Variants in SLC25A26 observed in about 807,000 individuals in gnomAD.
The protein encoded by SLC25A26 is mitochondrial S-adenosylmethionine carrier protein.
SLC25A26 carries 36 observed loss-of-function variants against 37.8 expected under a neutral mutation model. The ratio of observed to expected loss-of-function variants is 0.95; its 90% confidence interval spans 0.73 to 1.26. SLC25A26 has a LOEUF of 1.26. Ranked by LOEUF, SLC25A26 falls within the 50% of genes most tolerant of loss-of-function variation. The pLI is 0.00. For missense variants in SLC25A26, 390 were observed against 331.1 expected, an observed-to-expected ratio of 1.18 and a Z score of -1.38; for synonymous variants, 129 against 122.5, an observed-to-expected ratio of 1.05 and a Z score of -0.35.
At chr3:66,180,953 C>G (rs535242809) in intron 1 of SLC25A26, among the ~76,000 whole-genome samples, 18 of 151,994 alleles carry the variant, frequency 1.2e-4, no homozygotes, top group Non-Finnish European at 2.5e-4. Context: ...AAAGAGACAC[C>G]AGGAGTGTAC....
chr3:66,201,890 A>T (rs2071115471), intron 1 of SLC25A26, among the ~76,000 whole-genome samples: 1 of 152,212 alleles, frequency 6.6e-6, no homozygotes, highest in Admixed American at 6.5e-5. Context: ...AGAAAGACAG[A>T]TGCAATATAG....
At chr3:66,190,277 T>C (rs2106787186) in intron 1 of SLC25A26, among the ~76,000 whole-genome samples, 1 of 149,068 alleles carries the variant, frequency 6.7e-6, no homozygotes, top group Non-Finnish European at 1.5e-5. Flanking sequence ...ATTGCACCAC[T>C]GCACTCCAGC....
At position 66,263,346 on chromosome 3, in the gene SLC25A26, G is replaced by C. The variant is rs749647301; in HGVS notation, c.420G>C (p.Leu140Phe). Reference sequence around the variant, plus strand: ...GTTTGTTTCAGGGTATCCAAGGGTTGTATCGAGGCTATAAAAGCACAGTTT... The same window carrying C: ...GTTTGTTTCAGGGTATCCAAGGGTTCTATCGAGGCTATAAAAGCACAGTTT... ...NILYEEGIQG[L>F]YRGYKSTVLR... Residue 140 changes from leucine to phenylalanine, a missense_variant, in exon 5 of 10, where the codon TTG becomes TTC. Transcript: ENST00000354883. 1.9e-6 allele frequency: 3 copies of C among 1,612,338 alleles called. No individual in the cohort carries two copies. In the Admixed American group the frequency reaches 5.0e-5, roughly 27 times the overall value.
chr3:66,260,174 C>T (rs2073468533), intron 3 of SLC25A26, among the ~76,000 whole-genome samples: 1 of 152,098 alleles, frequency 6.6e-6, no homozygotes, highest in Admixed American at 6.5e-5. Context: ...CCACATTTCC[C>T]ATAATCTTTG....
chr3:66,278,700 C>T (rs1216454444), intron 5 of SLC25A26, among the ~76,000 whole-genome samples: 2 of 152,214 alleles, frequency 1.3e-5, no homozygotes, highest in East Asian at 3.9e-4. Context: ...TATTTCTTAT[C>T]CTACGAACTT....
chr3:66,204,961 G>C (rs1228609045), intron 1 of SLC25A26, among the ~76,000 whole-genome samples: 1 of 152,200 alleles, frequency 6.6e-6, no homozygotes, highest in African/African-American at 2.4e-5. Flanking sequence ...ATGGGGCTCT[G>C]AGATGGAAAC....
chr3:66,148,195 T>C (rs952145759), intron 1 of SLC25A26, among the ~76,000 whole-genome samples: 2 of 152,266 alleles, frequency 1.3e-5, no homozygotes, highest in African/African-American at 4.8e-5. Flanking sequence ...TATCTTCTTT[T>C]GAGAAATGTC....
chr3:66,362,902 C>T lies in SLC25A26; in HGVS notation c.541C>T (p.Gln181Ter). ...WRQDHVVDSW[Q>*]SAVCGAFAGG... ...GCAGGATCATGTGGTGGATTCTTGG[C>T]AGTCAGCAGTCTGTGGAGCTTTTGC... Residue 181 changes from glutamine (Q) to a stop codon, truncating the protein, a stop_gained, in exon 7 of 10, where the codon CAG becomes TAG. Transcript: ENST00000354883. LOFTEE classifies it high-confidence loss of function. 1 of 1,608,200 alleles carries T rather than the reference C, an allele frequency of 6.2e-7. No individual in the cohort carries two copies. Among genetic ancestry groups the T allele is most frequent in the Non-Finnish European group, 8.5e-7 (1 of 1,177,196 alleles).
At chr3:66,205,471 T>C (rs980166373) in intron 1 of SLC25A26, among the ~76,000 whole-genome samples, 1 of 152,150 alleles carries the variant, frequency 6.6e-6, no homozygotes. Context: ...ATTTGAGATA[T>C]GGAGGGAGAT....
chr3:66,201,832 T>C (rs2071114830), intron 1 of SLC25A26, among the ~76,000 whole-genome samples: 1 of 152,130 alleles, frequency 6.6e-6, no homozygotes, highest in South Asian at 2.1e-4. Context: ...GCACCATAGC[T>C]CTGAATGGGC....
At chr3:66,336,200 G>A (rs904403457) in intron 5 of SLC25A26, among the ~76,000 whole-genome samples, 6 of 152,028 alleles carry the variant, frequency 3.9e-5, no homozygotes. Context: ...TCAGAAATAG[G>A]GAAAGCCTGG....
intron 1 of SLC25A26, among the ~76,000 whole-genome samples, chr3:66,142,182 G>A (rs974713328): frequency 1.3e-5 from 2 of 152,110 alleles, no homozygotes; most frequent in African/African-American, 4.8e-5. Context: ...TCTGCTTTCT[G>A]CTTCTCTAGA....
chr3:66,223,767 T>C (rs530592914), intron 1 of SLC25A26, among the ~76,000 whole-genome samples: 3 of 152,210 alleles, frequency 2.0e-5, no homozygotes, highest in African/African-American at 7.2e-5. Context: ...ATGAAGAGGA[T>C]TGAATAAGTG....
At position 66,378,550 on chromosome 3, in the gene SLC25A26, C is replaced by G. The variant is rs1424934278; in HGVS notation, c.*743C>G. ...TCTCATGTCAGACTGAAAGGAGGGC[C>G]TGGGCCAGCTTTGAAAAGGCAGGAT... On this transcript the variant is annotated 3_prime_UTR_variant, in exon 10 of 10. Transcript: ENST00000354883. 1.3e-5 allele frequency: 2 copies of G among 152,702 alleles called. No homozygotes were observed. Among genetic ancestry groups the G allele is most frequent in the Non-Finnish European group, 2.9e-5 (2 of 68,044 alleles). 9.5% of individuals were successfully genotyped at this position (152,702 alleles called of 1,614,324 possible).
chr3:66,344,199 T>G (rs1422423861), intron 5 of SLC25A26, among the ~76,000 whole-genome samples: 3 of 152,184 alleles, frequency 2.0e-5, no homozygotes, highest in Admixed American at 6.5e-5. Flanking sequence ...TGATTAAATA[T>G]AAATATTTAG....
At chr3:66,306,388 T>C (rs948795815) in intron 5 of SLC25A26, among the ~76,000 whole-genome samples, 1 of 152,192 alleles carries the variant, frequency 6.6e-6, no homozygotes, top group Non-Finnish European at 1.5e-5. Flanking sequence ...TTTTTTCTTA[T>C]GTTTGTTGGC....
chr3:66,362,849 C>T lies in SLC25A26; in HGVS notation c.499-11C>T. Reference sequence around the variant, plus strand: ...TTAATAACTTGTATTTTTCTTTCTCCTTAAACACAGGCCCTCTGGTCCTGG... The same window carrying T: ...TTAATAACTTGTATTTTTCTTTCTCTTTAAACACAGGCCCTCTGGTCCTGG... On this transcript the variant is annotated splice_polypyrimidine_tract_variant and intron_variant, in intron 6 of 9. Transcript: ENST00000354883. 4 of 1,580,992 alleles carry T rather than the reference C, an allele frequency of 2.5e-6. No individual in the cohort carries two copies. Among genetic ancestry groups the T allele is most frequent in the Non-Finnish European group, 2.6e-6 (3 of 1,162,598 alleles).
In SLC25A26 at chr3:66,334,517, T is replaced by C. The variant is rs557931434; in HGVS notation, c.454-11847T>C. ...TCTTAGTAGAGACAAGATTTTGCTA[T>C]GTTGGCCAGGCTGGTCTCGAACTTT... On this transcript the variant is annotated intron_variant, in intron 5 of 9. Transcript: ENST00000354883. Among the ~76,000 whole-genome samples, 8 of 152,234 alleles carry C rather than the reference T, an allele frequency of 5.3e-5. No homozygotes were observed. In the East Asian group the frequency reaches 5.8e-4, roughly 11 times the overall value.
intron 5 of SLC25A26, among the ~76,000 whole-genome samples, chr3:66,273,145 A>G (rs1187199914): frequency 6.6e-6 from 1 of 152,152 alleles, no homozygotes; most frequent in African/African-American, 2.4e-5. Flanking sequence ...GATGAAGCCC[A>G]CTTGATCATG....
Sources: allele counts gnomAD v4.1 joint callset (sites outside exome capture counted in the v4.1 genomes callset), GRCh38; gene constraint gnomAD v4.1.1; transcripts MANE v1.5; gene names NCBI Gene and HGNC (gene_info 2026-07-23, HGNC 2026-07-21).